Variants in TMCC1 observed in about 807,000 individuals in gnomAD.
TMCC1 encodes the protein transmembrane and coiled-coil domains protein 1.
In TMCC1, 15 loss-of-function variants were observed where a neutral mutation model predicts 52.4. The observed-to-expected ratio is 0.29, with a 90% CI of 0.19 to 0.44. The LOEUF (loss-of-function observed/expected upper bound fraction) is 0.44. Ranked by LOEUF, TMCC1 falls within the 20% of genes least tolerant of loss-of-function variation. The probability of loss-of-function intolerance (pLI) is 1.00; values close to 1 mark genes in which losing one functional copy is unlikely to be tolerated. For synonymous variants in TMCC1, 279 were observed against 301.9 expected, an observed-to-expected ratio of 0.92 and a Z score of 0.79; for missense variants, 503 against 806.0, an observed-to-expected ratio of 0.62 and a Z score of 4.55.
intron 2 of TMCC1, among the ~76,000 whole-genome samples, chr3:129,853,539 G>A (rs1433722758): frequency 1.3e-5 from 2 of 151,146 alleles, no homozygotes; most frequent in Non-Finnish European, 1.5e-5. Flanking sequence ...TAAGGCAGGA[G>A]GATTGCTTGA....
intron 4 of TMCC1, among the ~76,000 whole-genome samples, chr3:129,723,805 C>T (rs2049849618): frequency 6.6e-6 from 1 of 152,106 alleles, no homozygotes; most frequent in East Asian, 1.9e-4. Context: ...AGATCTACTG[C>T]TGAAAAACGC....
In TMCC1 at chr3:129,720,477, A is replaced by G. The variant is rs548617550; in HGVS notation, c.577-49213T>C. On this transcript the variant is annotated intron_variant, in intron 4 of 6. Transcript: ENST00000393238. ...GTTGTCTACGTGGATGAGTGTTAAA[A>G]AGAAAAAATAAAATAAAACCTTGAG... Among the ~76,000 whole-genome samples the G allele has an allele frequency of 2.0e-5, 3 of 152,264 alleles. No individual in the cohort carries two copies. The South Asian group carries it at 6.2e-4, about 32-fold the overall frequency.
intron 2 of TMCC1, chr3:129,867,095 C>T (rs1174281238): frequency 6.6e-6 from 1 of 151,770 alleles, no homozygotes; most frequent in African/African-American, 2.4e-5. Flanking sequence ...CCAATTCATC[C>T]TACCTATGAG....
intron 5 of TMCC1, among the ~76,000 whole-genome samples, chr3:129,661,904 A>G (rs1364961491): frequency 6.6e-6 from 1 of 152,204 alleles, no homozygotes; most frequent in African/African-American, 2.4e-5. Context: ...TATCCCCATT[A>G]CTAATATTAT....
intron 4 of TMCC1, among the ~76,000 whole-genome samples, chr3:129,780,868 T>C (rs1385673160): frequency 1.3e-5 from 2 of 152,156 alleles, no homozygotes; most frequent in African/African-American, 2.4e-5. Flanking sequence ...TTCAGTATTC[T>C]CTTGCATTGT....
At chr3:129,669,186 C>T (rs1376560790) in intron 5 of TMCC1, among the ~76,000 whole-genome samples, 1 of 152,054 alleles carries the variant, frequency 6.6e-6, no homozygotes, top group Non-Finnish European at 1.5e-5. Context: ...CCTAAGATTA[C>T]CTTATAAAAG....
Position 129,688,611 on chromosome 3 carries a change from C to T in TMCC1, c.577-17347G>A, listed in dbSNP as rs926301699. The T allele has an allele frequency of 2.6e-5, 26 of 985,376 alleles. No individual in the cohort carries two copies. The African/African-American group carries it at 4.0e-4, about 15-fold the overall frequency. The allele number at this position is 985,376 out of a possible 1,614,324, so 61.0% of individuals were successfully genotyped here. A position where few individuals can be genotyped will look rare whatever the true frequency, so the allele number is the denominator to read the frequency against. ...TTCAATTCTATCTCCTGTAGCAACT[C>T]TTAGAGCTTTCTATATCTGGGAGCC... On this transcript the variant is annotated intron_variant, in intron 4 of 6. Transcript: ENST00000393238.
chr3:129,768,638 G>T (rs2054311779), intron 4 of TMCC1, among the ~76,000 whole-genome samples: 2 of 152,132 alleles, frequency 1.3e-5, no homozygotes, highest in Admixed American at 6.5e-5. Flanking sequence ...TGTGCACATA[G>T]TCCCGAATGA....
In TMCC1 at chr3:129,699,562, C is replaced by T. The variant is rs185637351; in HGVS notation, c.577-28298G>A. Among the ~76,000 whole-genome samples the T allele has an allele frequency of 2.8e-3, 419 of 152,040 alleles. 3 individuals carry two copies. Among genetic ancestry groups the T allele is most frequent in the African/African-American group, 9.4e-3 (388 of 41,338 alleles). ...GCTCAAGCCACTGCTGTCTATGGAG[C>T]GGCTATTCTTTTATTCCTTTACTTT... On this transcript the variant is annotated intron_variant, in intron 4 of 6. Coordinates refer to ENST00000393238, the MANE Select transcript of TMCC1 (RefSeq NM_001017395.5).
At chr3:129,800,451 G>A (rs1160423074) in intron 4 of TMCC1, among the ~76,000 whole-genome samples, 1 of 151,702 alleles carries the variant, frequency 6.6e-6, no homozygotes, top group Admixed American at 6.6e-5. Context: ...AATAATGTAT[G>A]GAAGTTCCAG....
chr3:129,790,829 T>C (rs543126216), intron 4 of TMCC1, among the ~76,000 whole-genome samples: 1 of 152,216 alleles, frequency 6.6e-6, no homozygotes, highest in South Asian at 2.1e-4. Flanking sequence ...ATTCCATGTT[T>C]AATATGGCTT....
chr3:129,840,326 C>CAAAAAAAAAA (rs368685429), intron 2 of TMCC1, among the ~76,000 whole-genome samples: 3 of 88,278 alleles, frequency 3.4e-5, no homozygotes, highest in Non-Finnish European at 4.0e-5. Flanking sequence ...GAACCTGTCT[C>CAAAAAAAAAA]AAAAAAAAAA....
intron 2 of TMCC1, among the ~76,000 whole-genome samples, chr3:129,863,939 C>T (rs1483255413): frequency 1.3e-5 from 2 of 151,918 alleles, no homozygotes; most frequent in Non-Finnish European, 2.9e-5. Flanking sequence ...CCCAACACAC[C>T]CCCAAATGCC....
chr3:129,865,222 C>A (rs1270007789), intron 2 of TMCC1, among the ~76,000 whole-genome samples: 1 of 152,042 alleles, frequency 6.6e-6, no homozygotes, highest in East Asian at 1.9e-4. Context: ...TGGTGCAAGG[C>A]GCAATCCGGG....
intron 2 of TMCC1, among the ~76,000 whole-genome samples, chr3:129,834,517 A>G (rs1446235951): frequency 6.6e-6 from 1 of 152,210 alleles, no homozygotes; most frequent in Non-Finnish European, 1.5e-5. Context: ...CTACTGACTA[A>G]AATTTTGACT....
At position 129,788,858 on chromosome 3, in the gene TMCC1, T is replaced by C. The variant is rs549669414; in HGVS notation, c.576+38945A>G. 5.9e-5 allele frequency among the ~76,000 whole-genome samples: 9 copies of C among 152,292 alleles called. No individual in the cohort carries two copies. In the South Asian group the frequency reaches 1.7e-3, roughly 28 times the overall value. On this transcript the variant is annotated intron_variant, in intron 4 of 6. Coordinates refer to ENST00000393238, the MANE Select transcript of TMCC1 (RefSeq NM_001017395.5). ...TACCAAAATGTTTGATCTCCTATAA[T>C]GTTGGATATTTGAGTATTCAAGTTC...
intron 4 of TMCC1, among the ~76,000 whole-genome samples, chr3:129,704,451 C>T (rs1296040835): frequency 6.6e-6 from 1 of 152,168 alleles, no homozygotes; most frequent in African/African-American, 2.4e-5. Flanking sequence ...CAGAGTCTCA[C>T]TCTATTGCCC....
intron 4 of TMCC1, among the ~76,000 whole-genome samples, chr3:129,748,793 G>A (rs182396953): frequency 1.1e-3 from 160 of 152,058 alleles, no homozygotes; most frequent in African/African-American, 3.4e-3. Context: ...TCTTAAGCCC[G>A]GGAGTTGAAG....
At position 129,871,859 on chromosome 3, in the gene TMCC1, C is replaced by T. The variant is rs559453195; in HGVS notation, c.-184+8450G>A. 2.6e-5 allele frequency among the ~76,000 whole-genome samples: 4 copies of T among 152,314 alleles called. No homozygotes were observed. The East Asian group carries it at 5.8e-4, about 22-fold the overall frequency. ...ATGATTTTCATATAGATGAAAAGTT[C>T]TTCAACCTCATGCATGAGAGCAATG... On this transcript the variant is annotated intron_variant, in intron 2 of 6. Transcript: ENST00000393238.
Sources: gnomAD v4.1 joint callset for allele counts (sites outside exome capture counted in the v4.1 genomes callset) on GRCh38, gnomAD v4.1.1 for gene constraint, MANE v1.5 for transcripts, NCBI Gene and HGNC (gene_info 2026-07-23, HGNC 2026-07-21) for gene names.